AIMP1: variants seen among roughly 807,000 people sequenced by gnomAD.
AIMP1 encodes aminoacyl tRNA synthetase complex interacting multifunctional protein 1, also known as aminoacyl tRNA synthase complex-interacting multifunctional protein 1.
AIMP1 carries 24 observed loss-of-function variants against 33.1 expected under a neutral mutation model. That is an observed-to-expected ratio of 0.73 (90% CI 0.53 to 1.02). The LOEUF (loss-of-function observed/expected upper bound fraction) is 1.02, where lower values mean the gene tolerates loss of function less well. Among genes scored for constraint, AIMP1 ranks in the 50% least tolerant of loss-of-function variants. The pLI, the probability that AIMP1 is intolerant of heterozygous loss-of-function variation, is 0.00. For synonymous variants in AIMP1, 120 were observed against 121.5 expected (o/e 0.99, Z 0.08); for missense variants, 367 against 364.8 (o/e 1.01, Z -0.05).
At chr4:106,316,925 C>A (rs996148021) in intron 1 of AIMP1, among the ~76,000 whole-genome samples, 7 of 152,154 alleles carry the variant, frequency 4.6e-5, no homozygotes, top group African/African-American at 1.7e-4. Flanking sequence ...GGAATTTATT[C>A]ATTGAGCGAA....
intron 1 of AIMP1, among the ~76,000 whole-genome samples, chr4:106,320,274 C>A (rs946154574): frequency 6.6e-6 from 1 of 152,202 alleles, no homozygotes; most frequent in Non-Finnish European, 1.5e-5. Context: ...TGTTGTTAAA[C>A]TATCACTGTG....
chr4:106,347,120 C>A (rs1362525228), intron 6 of AIMP1, among the ~76,000 whole-genome samples: 2 of 152,068 alleles, frequency 1.3e-5, no homozygotes, highest in Non-Finnish European at 2.9e-5. Context: ...AGGAAATCTG[C>A]CCCTATAATC....
At chr4:106,326,107 A>G (rs1018839622) in intron 2 of AIMP1, among the ~76,000 whole-genome samples, 1 of 152,186 alleles carries the variant, frequency 6.6e-6, no homozygotes, top group African/African-American at 2.4e-5. Flanking sequence ...TAGATGATTT[A>G]TTCAAACTGA....
intron 2 of AIMP1, among the ~76,000 whole-genome samples, chr4:106,325,393 G>A (rs1241563426): frequency 6.6e-6 from 1 of 151,830 alleles, no homozygotes; most frequent in Admixed American, 6.6e-5. Context: ...CCTACGTTTT[G>A]TAAGCTAATG....
At chr4:106,340,489 G>A (rs954405649) in intron 6 of AIMP1, among the ~76,000 whole-genome samples, 3 of 152,146 alleles carry the variant, frequency 2.0e-5, no homozygotes, top group Non-Finnish European at 2.9e-5. Flanking sequence ...CTTCATGTCT[G>A]TGTATACGCA....
intron 4 of AIMP1, among the ~76,000 whole-genome samples, chr4:106,329,647 A>T (rs1358478600): frequency 6.6e-6 from 1 of 152,058 alleles, no homozygotes; most frequent in Admixed American, 6.5e-5. Flanking sequence ...GCTGGCAGCT[A>T]CCATATTAGA....
At chr4:106,327,604 G>C (rs1769501244) in intron 3 of AIMP1, 40 bp downstream of exon 3, 1 of 1,491,756 alleles carries the variant, frequency 6.7e-7, no homozygotes, top group Non-Finnish European at 9.3e-7. Flanking sequence ...CAGAAGTTAA[G>C]AAGTTGGCCA....
intron 1 of AIMP1, chr4:106,321,388 C>A (rs189380468): frequency 0.025 from 3,885 of 158,140 alleles, 145 homozygotes; most frequent in African/African-American, 0.089. Flanking sequence ...AGCGCCTCTG[C>A]CCGGCCGCGA....
intron 1 of AIMP1, among the ~76,000 whole-genome samples, chr4:106,318,356 A>G (rs1769066701): frequency 6.6e-6 from 1 of 152,162 alleles, no homozygotes; most frequent in Non-Finnish European, 1.5e-5. Context: ...CCTAGTGCTA[A>G]AAGGTACCAC....
intron 4 of AIMP1, among the ~76,000 whole-genome samples, chr4:106,330,711 C>G (rs1475997359): frequency 6.6e-6 from 1 of 152,152 alleles, no homozygotes. Flanking sequence ...CTTACTGTTT[C>G]CAGTGTCATA....
intron 1 of AIMP1, among the ~76,000 whole-genome samples, chr4:106,320,742 G>C (rs532582911): frequency 6.6e-6 from 1 of 151,956 alleles, no homozygotes; most frequent in Non-Finnish European, 1.5e-5. Flanking sequence ...ATTAAGAAAA[G>C]TATAGCCCTC....
At position 106,348,682 on chromosome 4, in the gene AIMP1, C is replaced by T. The variant is rs780459579; in HGVS notation, c.*990C>T. 2 of 151,884 alleles carry T rather than the reference C, an allele frequency of 1.3e-5. No individual in the cohort carries two copies. Among genetic ancestry groups the T allele is most frequent in the African/African-American group, 2.4e-5 (1 of 41,344 alleles). 9.4% of individuals were successfully genotyped at this position (151,884 alleles called of 1,614,324 possible). On this transcript the variant is annotated 3_prime_UTR_variant, in exon 7 of 7. Transcript: ENST00000672341. ...AATTATAAGCCTACAGGTCATCAGC[C>T]TTGAGGTGATTACTGATGATTTGGG...
At chr4:106,340,298 C>T (rs1770050265) in intron 6 of AIMP1, among the ~76,000 whole-genome samples, 1 of 149,372 alleles carries the variant, frequency 6.7e-6, no homozygotes, top group African/African-American at 2.5e-5. Flanking sequence ...TTTTTTCCAA[C>T]TTGTATTTTA....
Position 106,316,858 on chromosome 4 carries a change from A to G in AIMP1, c.-26+264A>G, listed in dbSNP as rs62318117. On this transcript the variant is annotated intron_variant, in intron 1 of 6. Coordinates refer to ENST00000672341, the MANE Select transcript of AIMP1 (RefSeq NM_001142416.2). ...TCGATCCCTAAGCGTATTTACTGTT[A>G]TGTGAATGTGTGTGTCAAAGGACTT... The G allele has an allele frequency of 0.041, 18,278 of 442,586 alleles. 495 individuals are homozygous for G. Among genetic ancestry groups the G allele is most frequent in the Non-Finnish European group, 0.056 (13,588 of 244,484 alleles). The allele number at this position is 442,586 out of a possible 1,614,324, so 27.4% of individuals were successfully genotyped here.
chr4:106,325,221 G>A (rs1002911169), intron 2 of AIMP1, 103 bp downstream of exon 2: 6 of 1,140,794 alleles, frequency 5.3e-6, no homozygotes, highest in South Asian at 4.5e-5. Context: ...GTTTTACTTA[G>A]AAGTTTCTGT....
At chr4:106,344,061 A>G (rs1442466522) in intron 6 of AIMP1, among the ~76,000 whole-genome samples, 3 of 151,962 alleles carry the variant, frequency 2.0e-5, no homozygotes, top group African/African-American at 7.2e-5. Context: ...CTATATGTCT[A>G]GTTCTCAGTC....
chr4:106,336,842 T>C, intron 5 of AIMP1, 27 bp from the exon 6 acceptor site: 1 of 1,608,262 alleles, frequency 6.2e-7, no homozygotes, highest in East Asian at 2.2e-5. Flanking sequence ...GTGTACATCT[T>C]TACTTACCAG....
At chr4:106,316,636 A>T in intron 1 of AIMP1, 42 bp downstream of exon 1, 1 of 1,544,108 alleles carries the variant, frequency 6.5e-7, no homozygotes, top group Non-Finnish European at 8.8e-7. Flanking sequence ...GGGATCGCCG[A>T]TTGCGATCGT....
chr4:106,345,592 T>C (rs1719972538), intron 6 of AIMP1, among the ~76,000 whole-genome samples: 1 of 152,222 alleles, frequency 6.6e-6, no homozygotes. Context: ...TTATTTTTTA[T>C]ACCAGTCACT....
Sources: allele counts gnomAD v4.1 joint callset (sites outside exome capture counted in the v4.1 genomes callset), GRCh38; gene constraint gnomAD v4.1.1; transcripts MANE v1.5; gene names NCBI Gene and HGNC (gene_info 2026-07-23, HGNC 2026-07-21).